The following EXOC7 variants were observed in gnomAD, a reference collection of about 807,000 sequenced individuals.
EXOC7 encodes exocyst complex component 7, also known as exocyst complex component Exo70.
A neutral mutation model predicts 87.6 loss-of-function variants in EXOC7; 51 were observed. That is an observed-to-expected ratio of 0.58 (90% CI 0.46 to 0.73). The LOEUF is 0.73. Among genes scored for constraint, EXOC7 ranks in the 30% least tolerant of loss-of-function variants. The pLI is 0.00. For missense variants in EXOC7, 744 were observed against 888.4 expected (o/e 0.84, Z 2.07); for synonymous variants, 327 against 357.1 (o/e 0.92, Z 0.95).
At position 76,098,382 on chromosome 17, in the gene EXOC7, C is replaced by T. The variant is rs575384086; in HGVS notation, c.418-364G>A. Among the ~76,000 whole-genome samples, 86 of 151,736 alleles carry T rather than the reference C, an allele frequency of 5.7e-4. 2 individuals are homozygous for T. Among genetic ancestry groups the T allele is most frequent in the Admixed American group, 4.5e-3 (69 of 15,236 alleles). ...ATCTCCTGACCTCAGGTGATCCACC[C>T]GCCTCAGCCTCCCAAAGTGCTGGGA... On this transcript the variant is annotated intron_variant, in intron 4 of 18. Coordinates refer to ENST00000589210, the MANE Select transcript of EXOC7 (RefSeq NM_001013839.4).
chr17:76,101,512 G>A, intron 3 of EXOC7, 136 bp from the exon 4 acceptor site: 1 of 1,396,734 alleles, frequency 7.2e-7, no homozygotes, highest in Non-Finnish European at 9.7e-7. Context: ...TGCCTTTTAA[G>A]GCCTAGGGCT....
At chr17:76,101,137 C>T (rs778660762) in intron 4 of EXOC7, 134 bp downstream of exon 4, 16 of 1,345,920 alleles carry the variant, frequency 1.2e-5, no homozygotes, top group Non-Finnish European at 1.5e-5. Flanking sequence ...ATCCTAATGC[C>T]TATAGGATGT....
In EXOC7 at chr17:76,081,017, G is replaced by A; in HGVS notation, c.*2631C>T. 2 of 442,260 alleles carry A rather than the reference G, an allele frequency of 4.5e-6. No homozygotes were observed. The highest frequency in any genetic ancestry group is 8.5e-6 in the Non-Finnish European group (2 of 235,816). 27.4% of individuals were successfully genotyped at this position (442,260 alleles called of 1,614,324 possible). On this transcript the variant is annotated 3_prime_UTR_variant, in exon 19 of 19. Coordinates refer to ENST00000589210, the MANE Select transcript of EXOC7 (RefSeq NM_001013839.4). Reference sequence around the variant, plus strand: ...CTGTGACCACTTCTCCCTCCATCATGAAGTGGTGCAAAGTACATTTATTTT... The same window carrying A: ...CTGTGACCACTTCTCCCTCCATCATAAAGTGGTGCAAAGTACATTTATTTT...
At chr17:76,089,627 T>C in intron 7 of EXOC7, 1 of 438,718 alleles carries the variant, frequency 2.3e-6, no homozygotes, top group Non-Finnish European at 4.2e-6. Flanking sequence ...TGAATCAGCG[T>C]CCTGGATAAG....
intron 4 of EXOC7, among the ~76,000 whole-genome samples, chr17:76,098,343 G>A (rs1460153650): frequency 1.3e-5 from 2 of 151,410 alleles, no homozygotes; most frequent in Non-Finnish European, 2.9e-5. Context: ...CACCATGTTG[G>A]CAGGATGGTC....
chr17:76,101,596 C>T, intron 3 of EXOC7, 83 bp downstream of exon 3: 1 of 1,499,556 alleles, frequency 6.7e-7, no homozygotes, highest in Non-Finnish European at 9.0e-7. Context: ...ACCTCAGCCT[C>T]CCAAATTGTT....
chr17:76,084,380 G>T, intron 16 of EXOC7, 91 bp from the exon 17 acceptor site: 2 of 1,587,886 alleles, frequency 1.3e-6, no homozygotes, highest in Non-Finnish European at 1.7e-6. Context: ...GTCTGGGCCT[G>T]TCTCCTGTGT....
At position 76,090,955 on chromosome 17, in the gene EXOC7, G is replaced by A. The variant is rs1028720471; in HGVS notation, c.901+188C>T. On this transcript the variant is annotated intron_variant, in intron 7 of 18. Transcript: ENST00000589210. ...GGCAGAGCTGCCATCAGCCAGAGAG[G>A]ACCAGGCCGAGGGCTGCGAAACTGT... 1.3e-5 allele frequency: 8 copies of A among 632,006 alleles called. No individual in the cohort carries two copies. In the African/African-American group the frequency reaches 1.5e-4, roughly 12 times the overall value. 39.1% of individuals were successfully genotyped at this position (632,006 alleles called of 1,614,324 possible).
At chr17:76,095,371 T>G (rs750570867) in intron 5 of EXOC7, among the ~76,000 whole-genome samples, 1 of 151,080 alleles carries the variant, frequency 6.6e-6, no homozygotes, top group African/African-American at 2.4e-5. Flanking sequence ...CGGGTTAAAG[T>G]GATTCTCCCG....
At chr17:76,101,576 C>T (rs2068063507) in intron 3 of EXOC7, 103 bp downstream of exon 3, 5 of 1,427,548 alleles carry the variant, frequency 3.5e-6, no homozygotes, top group South Asian at 1.3e-5. Flanking sequence ...TAGTCTCAAG[C>T]GATCCTCCCA....
intron 10 of EXOC7, 91 bp from the exon 11 acceptor site, chr17:76,088,213 C>G: frequency 7.3e-7 from 1 of 1,365,040 alleles, no homozygotes; most frequent in South Asian, 1.2e-5. Flanking sequence ...TCCTGGCAGA[C>G]GGGTGCTAGG....
In EXOC7 at chr17:76,082,329, C is replaced by A; in HGVS notation, c.*1319G>T. ...TCAACTGAAGATGGCCTGAAATGGG[C>A]CAGACCCAAATTTTCATCAGCTGAG... On this transcript the variant is annotated 3_prime_UTR_variant, in exon 19 of 19. Transcript: ENST00000589210. 2.9e-6 allele frequency: 3 copies of A among 1,022,340 alleles called. No homozygotes were observed. Among genetic ancestry groups the A allele is most frequent in the Admixed American group, 2.8e-5 (1 of 35,982 alleles). 63.3% of individuals were successfully genotyped at this position (1,022,340 alleles called of 1,614,324 possible). A position where few individuals can be genotyped will look rare whatever the true frequency, so the allele number is the denominator to read the frequency against.
In EXOC7 at chr17:76,103,717, T is replaced by C. The variant is rs1206802985; in HGVS notation, c.-25A>G. On this transcript the variant is annotated 5_prime_UTR_variant, in exon 1 of 19. Transcript: ENST00000589210. Reference sequence around the variant, plus strand: ...TCGCTCTGAACCCCGCGGCTCCCACTCCCCAGTATCTTTCCTCCGCGGGCC... The same window carrying C: ...TCGCTCTGAACCCCGCGGCTCCCACCCCCCAGTATCTTTCCTCCGCGGGCC... The C allele has an allele frequency of 3.1e-6, 5 of 1,588,742 alleles. No individual in the cohort carries two copies. The highest frequency in any genetic ancestry group is 1.7e-4 in the Middle Eastern group (1 of 5,794).
chr17:76,087,961 G>A (rs1048327495), intron 11 of EXOC7, 99 bp downstream of exon 11: 7 of 1,410,852 alleles, frequency 5.0e-6, no homozygotes, highest in African/African-American at 1.4e-5. Context: ...GCGGCTCTGG[G>A]CCAGGCTGAG....
At chr17:76,087,261 C>A in intron 12 of EXOC7, 1 of 373,386 alleles carries the variant, frequency 2.7e-6, no homozygotes, top group Non-Finnish European at 4.9e-6. Context: ...AGGAAGACGC[C>A]CAGCGGGCCC....
At chr17:76,089,347 G>A in intron 7 of EXOC7, 27 bp from the exon 8 acceptor site, 1 of 1,611,150 alleles carries the variant, frequency 6.2e-7, no homozygotes, top group Non-Finnish European at 8.5e-7. Flanking sequence ...CTCTTGAGCT[G>A]CTGGTCTGGG....
chr17:76,098,126 C>A, intron 4 of EXOC7, 108 bp from the exon 5 acceptor site: 2 of 872,518 alleles, frequency 2.3e-6, no homozygotes, highest in South Asian at 1.6e-5. Context: ...GGCCTCTGCC[C>A]TTTTCTGCCC....
chr17:76,082,868 C>T lies in EXOC7; in HGVS notation c.*780G>A. 2.4e-6 allele frequency: 1 copy of T among 421,400 alleles called. No homozygotes were observed. Among genetic ancestry groups the T allele is most frequent in the Non-Finnish European group, 4.1e-6 (1 of 245,458 alleles). The allele number at this position is 421,400 out of a possible 1,614,324, so 26.1% of individuals were successfully genotyped here. On this transcript the variant is annotated 3_prime_UTR_variant, in exon 19 of 19. Transcript: ENST00000589210. ...ATAGGTGGGGCCCTATTTTTTGCTT[C>T]CAACCCCCATTTTGCTCCTTAACTT...
rs1337167897 is a variant in EXOC7, at chr17:76,082,662, G to A, written c.*986C>T. The A allele has an allele frequency of 3.8e-6, 6 of 1,599,576 alleles. No individual in the cohort carries two copies. In the African/African-American group the frequency reaches 6.7e-5, roughly 18 times the overall value. ...GGCGGCCTAGACTGTAAAGGGGCAG[G>A]GCCTGGGCTGCACACCTTAGGATGA... is the stretch of plus-strand genomic sequence containing the variant. On this transcript the variant is annotated 3_prime_UTR_variant, in exon 19 of 19. Transcript: ENST00000589210.
Sources: allele counts gnomAD v4.1 joint callset (sites outside exome capture counted in the v4.1 genomes callset), GRCh38; gene constraint gnomAD v4.1.1; transcripts MANE v1.5; gene names NCBI Gene and HGNC (gene_info 2026-07-23, HGNC 2026-07-21).